Variants in KIF1A observed in about 807,000 individuals in gnomAD.
KIF1A encodes kinesin family member 1A.
KIF1A carries 46 observed loss-of-function variants against 227.3 expected under a neutral mutation model. The observed-to-expected ratio is 0.20, with a 90% CI of 0.16 to 0.26. KIF1A has a LOEUF of 0.26. Ranked by LOEUF, KIF1A falls within the 10% of genes least tolerant of loss-of-function variation. The probability of loss-of-function intolerance (pLI) is 1.00; values close to 1 mark genes in which losing one functional copy is unlikely to be tolerated. For missense variants in KIF1A, 1,683 were observed against 2,485.9 expected (o/e 0.68, Z 6.87); for synonymous variants, 1,022 against 1,012.8 (o/e 1.01, Z -0.17).
chr2:240,780,140 C>G (rs1398892940), intron 10 of KIF1A, among the ~76,000 whole-genome samples: 1 of 152,004 alleles, frequency 6.6e-6, no homozygotes, highest in Non-Finnish European at 1.5e-5. Flanking sequence ...CCACAGATCC[C>G]CCGAGTCCCT....
intron 27 of KIF1A, among the ~76,000 whole-genome samples, chr2:240,754,882 A>C (rs2049651845): frequency 6.6e-6 from 1 of 152,036 alleles, no homozygotes; most frequent in African/African-American, 2.4e-5. Flanking sequence ...GCCAGTCCAG[A>C]GGGCACAGAG....
At chr2:240,819,088 C>G (rs997368518) in intron 1 of KIF1A, 1 of 152,070 alleles carries the variant, frequency 6.6e-6, no homozygotes, top group Non-Finnish European at 1.5e-5. Context: ...CCGGCAGGGC[C>G]CCCCCAACCC....
At position 240,757,244 on chromosome 2, in the gene KIF1A, C is replaced by A; in HGVS notation, c.2858+75G>T. The A allele has an allele frequency of 7.0e-7, 1 of 1,419,662 alleles. No homozygotes were observed. The highest frequency in any genetic ancestry group is 9.6e-7 in the Non-Finnish European group (1 of 1,037,640). The allele number at this position is 1,419,662 out of a possible 1,614,324, so 87.9% of individuals were successfully genotyped here. ...GGGCCCGGGCCAGGCCCCAGCGGTT[C>A]CTCTGTGCCCGCAGCAGTGCTCCTG... On this transcript the variant is annotated intron_variant, in intron 27 of 48. Coordinates refer to ENST00000498729, the MANE Select transcript of KIF1A (RefSeq NM_001244008.2). The surrounding 1 kb of genome is among the most constrained non-coding windows in gnomAD (Gnocchi z 6.2).
At chr2:240,744,089 A>C (rs1195520931) in intron 32 of KIF1A, 29 bp from the exon 33 acceptor site, 13 of 1,444,340 alleles carry the variant, frequency 9.0e-6, no homozygotes, top group Middle Eastern at 1.7e-4. Context: ...GGAGGACAGG[A>C]GGGCACGGCC....
chr2:240,740,146 C>T lies in KIF1A; in HGVS notation c.3817-4G>A. On this transcript the variant is annotated splice_polypyrimidine_tract_variant and splice_region_variant and intron_variant, in intron 36 of 48. Transcript: ENST00000498729. The surrounding 1 kb of genome is among the most constrained non-coding windows in gnomAD (Gnocchi z 6.1). ...CCGTAATCCGTCGCTGGATGCCCTG[C>T]CGGTGCCAGGTGAGAGGATATGGTC... 1.3e-6 allele frequency: 2 copies of T among 1,589,260 alleles called. No individual in the cohort carries two copies. Among genetic ancestry groups the T allele is most frequent in the Non-Finnish European group, 1.7e-6 (2 of 1,168,044 alleles).
At chr2:240,743,360 G>A (rs921801114) in intron 33 of KIF1A, among the ~76,000 whole-genome samples, 1 of 152,212 alleles carries the variant, frequency 6.6e-6, no homozygotes. Flanking sequence ...GGAAGAAAGG[G>A]CCCACCCGAG....
chr2:240,776,013 G>T, intron 10 of KIF1A, 87 bp from the exon 11 acceptor site: 1 of 912,798 alleles, frequency 1.1e-6, no homozygotes, highest in Non-Finnish European at 1.8e-6. Context: ...TGCCAAGTGG[G>T]TCCTCAAAGC....
chr2:240,720,505 T>C (rs973314797), intron 45 of KIF1A: 4 of 167,154 alleles, frequency 2.4e-5, no homozygotes, highest in African/African-American at 7.2e-5. Flanking sequence ...GAATTGTACA[T>C]AAGGGGTTCA....
chr2:240,733,187 T>C (rs563374104), intron 38 of KIF1A, among the ~76,000 whole-genome samples: 1 of 152,052 alleles, frequency 6.6e-6, no homozygotes, highest in African/African-American at 2.4e-5. Flanking sequence ...CGTGGGTGAA[T>C]GTTGCGGCCC....
rs1347243405 is a variant in KIF1A at position 240,792,262 on chromosome 2, C to CT, written c.107-2951dup. The stretch of plus-strand genomic sequence containing the variant: ...CTCCCCGATTCTGCTGGAGAAAGGG[C>CT]TTTTTTTGCCAGGGTCTGGAATTTT... On this transcript the variant is annotated intron_variant, in intron 2 of 48. Coordinates refer to ENST00000498729, the MANE Select transcript of KIF1A (RefSeq NM_001244008.2). This position sits in a 1 kb window ranked among gnomAD's most constrained non-coding sequence, Gnocchi z 4.5. 1.3e-5 allele frequency among the ~76,000 whole-genome samples: 2 copies of CT among 152,078 alleles called. No individual in the cohort carries two copies. The highest frequency in any genetic ancestry group is 3.9e-4 in the East Asian group (2 of 5,186).
At chr2:240,776,622 G>A (rs957780404) in intron 10 of KIF1A, among the ~76,000 whole-genome samples, 3 of 152,250 alleles carry the variant, frequency 2.0e-5, no homozygotes, top group Non-Finnish European at 4.4e-5. Context: ...CTCTGTGACT[G>A]ACTTAATGAT....
At chr2:240,723,176 C>A (rs778321391) in intron 42 of KIF1A, among the ~76,000 whole-genome samples, 2 of 152,240 alleles carry the variant, frequency 1.3e-5, no homozygotes, top group Admixed American at 6.5e-5. Context: ...GATAGTCTTC[C>A]TCGGCTAATT....
chr2:240,777,272 T>A (rs913959534), intron 10 of KIF1A, among the ~76,000 whole-genome samples: 3 of 152,254 alleles, frequency 2.0e-5, no homozygotes, highest in Middle Eastern at 3.4e-3. Context: ...TCTCGATCTC[T>A]TGACCTCGTG....
chr2:240,746,760 T>C (rs901983962), intron 29 of KIF1A, among the ~76,000 whole-genome samples: 5 of 152,064 alleles, frequency 3.3e-5, no homozygotes, highest in African/African-American at 1.2e-4. Context: ...GGAGACTGAG[T>C]GGTCCAGGTG....
chr2:240,770,835 C>A, intron 15 of KIF1A, 136 bp downstream of exon 15: 1 of 1,142,462 alleles, frequency 8.8e-7, no homozygotes, highest in Non-Finnish European at 1.2e-6. Flanking sequence ...TGGCCACACG[C>A]CAGAGGCTCC....
At position 240,738,967 on chromosome 2, in the gene KIF1A, C is replaced by T. The variant is rs533203425; in HGVS notation, c.3901+1091G>A. 5.2e-5 allele frequency among the ~76,000 whole-genome samples: 8 copies of T among 152,390 alleles called. No homozygotes were observed. In the East Asian group the frequency reaches 5.8e-4, roughly 11 times the overall value. On this transcript the variant is annotated intron_variant, in intron 37 of 48. Coordinates refer to ENST00000498729, the MANE Select transcript of KIF1A (RefSeq NM_001244008.2). ...CATAAACCAGCTGTGTATTTGCTTA[C>T]GTTCTGCCTATAAATCAATTCACTC...
chr2:240,762,992 C>A, intron 22 of KIF1A, 27 bp downstream of exon 22: 1 of 1,393,278 alleles, frequency 7.2e-7, no homozygotes, highest in African/African-American at 1.5e-5. Flanking sequence ...GGGGGCTGGG[C>A]AGGGAGGGCG....
intron 5 of KIF1A, among the ~76,000 whole-genome samples, chr2:240,786,803 G>GAGTGAGGGGTAGGGGCCA (rs1559530249): frequency 6.8e-5 from 3 of 44,112 alleles, no homozygotes; most frequent in African/African-American, 3.6e-4. Context: ...GGTGGGGGCT[G>GAGTGAGGGGTAGGGGCCA]CCATCAGGAC....
chr2:240,755,031 GCTCCTGTGCCCACCCACC>G (rs1559502091), intron 27 of KIF1A, among the ~76,000 whole-genome samples: 2 of 152,156 alleles, frequency 1.3e-5, no homozygotes, highest in Non-Finnish European at 2.9e-5. Context: ...TCTCTCTGCA[GCTCCTGTGCCCACCCACC>G]CTTCCTGTGT....
Sources: allele counts gnomAD v4.1 joint callset (sites outside exome capture counted in the v4.1 genomes callset), GRCh38; gene constraint gnomAD v4.1.1; non-coding constraint Gnocchi (gnomAD v3.1); transcripts MANE v1.5; gene names NCBI Gene and HGNC (gene_info 2026-07-23, HGNC 2026-07-21).